PHAF1: variants seen among roughly 807,000 people sequenced by gnomAD.
PHAF1 encodes the protein phagophore assembly factor 1.
PHAF1 carries 23 observed loss-of-function variants against 63.1 expected under a neutral mutation model. That is an observed-to-expected ratio of 0.36 (90% CI 0.26 to 0.52). PHAF1 has a LOEUF of 0.52. Ranked by LOEUF, PHAF1 falls within the 20% of genes least tolerant of loss-of-function variation. The pLI is 0.93. For synonymous variants in PHAF1, 167 were observed against 185.0 expected (o/e 0.90, Z 0.79); for missense variants, 427 against 517.2 (o/e 0.83, Z 1.69).
chr16:67,139,883 C>A, intron 8 of PHAF1, 101 bp from the exon 9 acceptor site: 1 of 1,387,556 alleles, frequency 7.2e-7, no homozygotes, highest in Non-Finnish European at 1.0e-6. Context: ...CCTTGCCAGA[C>A]CTAATAATGT....
chr16:67,119,399 C>T (rs1186597054), intron 1 of PHAF1, among the ~76,000 whole-genome samples: 2 of 152,120 alleles, frequency 1.3e-5, no homozygotes, highest in African/African-American at 4.8e-5. Flanking sequence ...AACCTTTTGG[C>T]TTCCCTGGGC....
At chr16:67,141,526 C>T (rs919730259) in intron 10 of PHAF1, among the ~76,000 whole-genome samples, 8 of 152,218 alleles carry the variant, frequency 5.3e-5, no homozygotes, top group African/African-American at 1.9e-4. Context: ...CTGCGCTTAG[C>T]TCATGCTACC....
chr16:67,140,690 C>G, intron 10 of PHAF1, 96 bp downstream of exon 10: 1 of 1,013,880 alleles, frequency 9.9e-7, no homozygotes, highest in Admixed American at 1.9e-5. Context: ...GGAACCATGC[C>G]TGGACATTGG....
rs1225019400 is a variant in PHAF1, at chr16:67,147,051, C to A, written c.1189C>A (p.Gln397Lys). The A allele has an allele frequency of 2.5e-6, 4 of 1,613,828 alleles. No homozygotes were observed. The Admixed American group carries it at 5.0e-5, about 20-fold the overall frequency. ...TGTCCTCTTCTCACACCAGGTCATG[C>A]AGAACAACCACATTGCCTCGGTGAC... ...GLQRMIFEVM[Q>K]NNHIASVTLY... Residue 397 changes from glutamine (Q) to lysine (K), a missense_variant, in exon 16 of 16, where the codon CAG becomes AAG. Gln to Lys is a moderately conservative substitution (Grantham distance 53). Transcript: ENST00000219139.
intron 8 of PHAF1, among the ~76,000 whole-genome samples, chr16:67,136,981 C>T (rs1014810062): frequency 3.3e-5 from 5 of 152,054 alleles, no homozygotes; most frequent in Non-Finnish European, 5.9e-5. Flanking sequence ...GGTGAAACCC[C>T]ATCTCTACTA....
rs1246553003 is a variant in PHAF1, at chr16:67,140,549, A to T, written c.834A>T (p.Pro278=). The T allele has an allele frequency of 6.2e-7, 1 of 1,602,594 alleles. No individual in the cohort carries two copies. Among genetic ancestry groups the T allele is most frequent in the Admixed American group, 1.7e-5 (1 of 59,988 alleles). The change falls in exon 10 of 16, where the codon CCA becomes CCT. Residue 278 remains proline, a synonymous_variant. Transcript: ENST00000219139. ...CTCCTTCCCCTCATAAACAAGTTCC[A>T]TCGAAGTGTAATGACTACTTTTTTA... ...IHSPSPHKQV[P]SKCNDYFFNY...
chr16:67,111,625 G>A (rs751928773), intron 1 of PHAF1, among the ~76,000 whole-genome samples: 1 of 152,162 alleles, frequency 6.6e-6, no homozygotes, highest in Admixed American at 6.6e-5. Context: ...AGTTTTTGTT[G>A]TTGGTGTTTT....
intron 2 of PHAF1, among the ~76,000 whole-genome samples, chr16:67,125,325 C>T (rs1042020227): frequency 2.7e-4 from 41 of 152,126 alleles, no homozygotes; most frequent in Non-Finnish European, 7.4e-5. Flanking sequence ...TCTTAGACTT[C>T]GGCTTTTCAG....
intron 1 of PHAF1, among the ~76,000 whole-genome samples, chr16:67,112,707 T>G (rs1286149753): frequency 6.6e-6 from 1 of 152,128 alleles, no homozygotes; most frequent in Non-Finnish European, 1.5e-5. Context: ...TTACAAACTG[T>G]CTAAATAGCA....
At position 67,147,110 on chromosome 16, in the gene PHAF1, G is replaced by A; in HGVS notation, c.1248G>A (p.Leu416=). The stretch of plus-strand genomic sequence containing the variant: ...GCCCCCCCAGGCCTGGTAGCCACCT[G>A]AGAACAGCGGAACTCCCCTAGGGAC... ...LYGPPRPGSH[L]RTAELP Residue 416 remains leucine, a synonymous_variant, in exon 16 of 16, where the codon CTG becomes CTA. Coordinates refer to ENST00000219139, the MANE Select transcript of PHAF1 (RefSeq NM_025187.5). The A allele has an allele frequency of 6.2e-7, 1 of 1,613,464 alleles. No homozygotes were observed. Among genetic ancestry groups the A allele is most frequent in the Non-Finnish European group, 8.5e-7 (1 of 1,179,510 alleles).
chr16:67,132,083 T>C (rs1022370822), intron 4 of PHAF1: 2 of 169,382 alleles, frequency 1.2e-5, no homozygotes, highest in Non-Finnish European at 2.5e-5. Context: ...GTTTTGCTGA[T>C]AGAGGAGTAG....
chr16:67,134,921 G>T (rs1023079025), intron 8 of PHAF1: 1 of 342,520 alleles, frequency 2.9e-6, no homozygotes, highest in African/African-American at 2.2e-5. Flanking sequence ...CACATAGTTG[G>T]TAGAAGACAA....
intron 8 of PHAF1, chr16:67,136,121 T>C (rs1217623328): frequency 2.0e-5 from 3 of 152,130 alleles, no homozygotes; most frequent in Non-Finnish European, 2.9e-5. Context: ...CTGACCAATA[T>C]GATGAAACCC....
At chr16:67,145,475 G>A (rs1057049871) in intron 13 of PHAF1, 56 bp downstream of exon 13, 1 of 1,612,946 alleles carries the variant, frequency 6.2e-7, no homozygotes, top group Admixed American at 1.7e-5. Context: ...ACATGAGCCT[G>A]CAGGCAGTAT....
rs1351751129 is a variant in PHAF1 at position 67,125,954 on chromosome 16, T to C, written c.148-5T>C. The C allele has an allele frequency of 1.2e-6, 2 of 1,603,176 alleles. No homozygotes were observed. The highest frequency in any genetic ancestry group is 1.7e-6 in the Non-Finnish European group (2 of 1,172,612). ...CTCAGAATGTATTTTATTTTTGTTTTGTAGTCTCCTCTAAGCCATGACCTC... is the reference window on the plus strand; with the variant it reads ...CTCAGAATGTATTTTATTTTTGTTTCGTAGTCTCCTCTAAGCCATGACCTC... On this transcript the variant is annotated splice_polypyrimidine_tract_variant and splice_region_variant and intron_variant, in intron 2 of 15. Coordinates refer to ENST00000219139, the MANE Select transcript of PHAF1 (RefSeq NM_025187.5).
At chr16:67,117,506 A>G (rs149346899) in intron 1 of PHAF1, among the ~76,000 whole-genome samples, 11,283 of 150,486 alleles carry the variant, frequency 0.075, 1,277 homozygotes, top group African/African-American at 0.25. Flanking sequence ...GGCCGGGCAC[A>G]GTGGCTCATG....
chr16:67,145,266 T>C, intron 12 of PHAF1, 110 bp from the exon 13 acceptor site: 2 of 1,243,720 alleles, frequency 1.6e-6, no homozygotes, highest in East Asian at 5.0e-5. Context: ...ATCCTCCCCA[T>C]GTACTCCAAC....
intron 3 of PHAF1, among the ~76,000 whole-genome samples, 164 bp from the exon 4 acceptor site, chr16:67,131,122 T>A (rs1053650388): frequency 2.6e-5 from 4 of 152,078 alleles, no homozygotes; most frequent in Middle Eastern, 3.4e-3. Context: ...TTTAAAAAAA[T>A]TTTAAATGAG....
intron 10 of PHAF1, 103 bp from the exon 11 acceptor site, chr16:67,144,190 GC>G: frequency 5.3e-6 from 4 of 747,858 alleles, no homozygotes; most frequent in Non-Finnish European, 9.5e-6. Context: ...AGGCATTCTT[GC>G]TGTGGAGTGC....
Sources: gnomAD v4.1 joint callset for allele counts (sites outside exome capture counted in the v4.1 genomes callset) on GRCh38, gnomAD v4.1.1 for gene constraint, MANE v1.5 for transcripts, NCBI Gene and HGNC (gene_info 2026-07-23, HGNC 2026-07-21) for gene names.